NKAIN1: variants seen among roughly 807,000 people sequenced by gnomAD.
The protein encoded by NKAIN1 is sodium/potassium transporting ATPase interacting 1, also known as sodium/potassium-transporting ATPase subunit beta-1-interacting protein 1.
Under a neutral mutation model 31.6 loss-of-function variants are expected in NKAIN1, and 13 were observed. The ratio of observed to expected loss-of-function variants is 0.41; its 90% CI spans 0.27 to 0.65. The LOEUF (loss-of-function observed/expected upper bound fraction) is 0.65. Ranked by LOEUF, NKAIN1 falls within the 30% of genes least tolerant of loss-of-function variation. The pLI is 0.30. For synonymous variants in NKAIN1, 104 were observed against 109.0 expected, an observed-to-expected ratio of 0.95 and a Z score of 0.28; for missense variants, 193 against 262.2, an observed-to-expected ratio of 0.74 and a Z score of 1.82.
chr1:31,185,419 G>A (rs1329118436), intron 2 of NKAIN1, 92 bp from the exon 3 acceptor site: 4 of 1,000,458 alleles, frequency 4.0e-6, no homozygotes, highest in Non-Finnish European at 4.6e-6. Flanking sequence ...GAGGAGATCT[G>A]GGCAGGGGAA....
intron 1 of NKAIN1, among the ~76,000 whole-genome samples, chr1:31,230,471 G>A (rs116104413): frequency 6.6e-6 from 1 of 152,174 alleles, no homozygotes; most frequent in African/African-American, 2.4e-5. Flanking sequence ...GGGGCCAGGA[G>A]GCCAATGTAA....
rs1645666282 is a variant in NKAIN1 at position 31,233,030 on chromosome 1, C to T, written c.54+6464G>A. 6.6e-6 allele frequency among the ~76,000 whole-genome samples: 1 copy of T among 152,122 alleles called. No individual in the cohort carries two copies. Among genetic ancestry groups the T allele is most frequent in the African/African-American group, 2.4e-5 (1 of 41,410 alleles). On this transcript the variant is annotated intron_variant, in intron 1 of 6. Transcript: ENST00000373736. The surrounding 1 kb of genome is among the most constrained non-coding windows in gnomAD (Gnocchi z 4.0). Reference sequence around the variant, plus strand: ...ATCACAGCTCCTTGGCACACTGCAACCTCCGCCTCCCAGGTTCAAATGATT... The same window carrying T: ...ATCACAGCTCCTTGGCACACTGCAATCTCCGCCTCCCAGGTTCAAATGATT...
chr1:31,199,126 GT>G (rs1217079799), intron 1 of NKAIN1, among the ~76,000 whole-genome samples: 3 of 152,206 alleles, frequency 2.0e-5, no homozygotes, highest in Non-Finnish European at 2.9e-5. Context: ...GACCCTTGAA[GT>G]TTCTGGAGAA....
Position 31,239,646 on chromosome 1 carries a change from C to T in NKAIN1, c.-99G>A. The T allele has an allele frequency of 1.6e-6, 1 of 606,894 alleles. No homozygotes were observed. Among genetic ancestry groups the T allele is most frequent in the Non-Finnish European group, 2.1e-6 (1 of 483,736 alleles). The allele number at this position is 606,894 out of a possible 1,614,324, so 37.6% of individuals were successfully genotyped here. On this transcript the variant is annotated 5_prime_UTR_variant, in exon 1 of 7. Transcript: ENST00000373736. The surrounding 1 kb of genome is among the most constrained non-coding windows in gnomAD (Gnocchi z 4.8). ...CGGGCTCCACGTCCTCCCCGCTGGG[C>T]GCGCCGGGCGGCGGGGCCGGGCGCC...
intron 1 of NKAIN1, among the ~76,000 whole-genome samples, chr1:31,196,833 G>A (rs1570457177): frequency 6.6e-6 from 1 of 152,082 alleles, no homozygotes; most frequent in East Asian, 1.9e-4. Flanking sequence ...TCTGGCTTTT[G>A]CCCCATGGCA....
intron 4 of NKAIN1, among the ~76,000 whole-genome samples, chr1:31,182,962 C>CT (rs143863979): frequency 2.6e-4 from 39 of 149,622 alleles, no homozygotes; most frequent in East Asian, 5.9e-4. Context: ...TTCTTTCTTT[C>CT]TTTTTTTTTT....
chr1:31,181,875 A>G lies in NKAIN1; in HGVS notation c.599T>C (p.Leu200Pro), dbSNP rs1316279102. The G allele has an allele frequency of 6.2e-7, 1 of 1,608,088 alleles. No individual in the cohort carries two copies. The highest frequency in any genetic ancestry group is 1.7e-5 in the Admixed American group (1 of 58,840). ...CGTGACCCACGTGTACAGAGGCTGC[A>G]GCTGTAAATGCGACGTCTTCTGGGG... is the stretch of plus-strand genomic sequence containing the variant. ...QAPQKTSHLQ[L>P]QPLYTSG Residue 200 changes from leucine (L) to proline (P), a missense_variant, in exon 6 of 7, where the codon CTG becomes CCG. Transcript: ENST00000373736.
At chr1:31,213,037 CTTTTG>C (rs200399419) in intron 1 of NKAIN1, among the ~76,000 whole-genome samples, 32 of 78,972 alleles carry the variant, frequency 4.1e-4, no homozygotes, top group Non-Finnish European at 6.4e-4. Flanking sequence ...AAAGCTTTTT[CTTTTG>C]TTTTTTTTTT....
chr1:31,187,944 G>A (rs1645257542), intron 2 of NKAIN1, 106 bp downstream of exon 2: 1 of 1,205,322 alleles, frequency 8.3e-7, no homozygotes, highest in Non-Finnish European at 1.2e-6. Flanking sequence ...GCCAAGACCA[G>A]TGCCCCAGTG....
intron 1 of NKAIN1, among the ~76,000 whole-genome samples, chr1:31,199,922 G>A (rs1645363943): frequency 6.6e-6 from 1 of 152,096 alleles, no homozygotes; most frequent in African/African-American, 2.4e-5. Flanking sequence ...AGCTGATGAT[G>A]GGGGCTTCTC....
chr1:31,184,757 C>G (rs972758726), intron 3 of NKAIN1, among the ~76,000 whole-genome samples: 4 of 152,142 alleles, frequency 2.6e-5, no homozygotes, highest in African/African-American at 9.7e-5. Flanking sequence ...TCTGGGCTTG[C>G]TCTTATTCAA....
chr1:31,235,972 A>G (rs1334364931), intron 1 of NKAIN1, among the ~76,000 whole-genome samples: 1 of 152,188 alleles, frequency 6.6e-6, no homozygotes, highest in Non-Finnish European at 1.5e-5. Context: ...AATCATTAAG[A>G]TAATAACAAT....
chr1:31,187,673 C>T (rs186107444), intron 2 of NKAIN1, among the ~76,000 whole-genome samples: 73 of 152,110 alleles, frequency 4.8e-4, no homozygotes, highest in Admixed American at 9.2e-4. Flanking sequence ...TAGGAAGACT[C>T]GCAACCTTTC....
At chr1:31,193,551 C>T (rs1645302383) in intron 1 of NKAIN1, among the ~76,000 whole-genome samples, 1 of 151,736 alleles carries the variant, frequency 6.6e-6, no homozygotes, top group Non-Finnish European at 1.5e-5. Flanking sequence ...AAAAAATTAG[C>T]TGGGCGTGGT....
rs1026669312 is a variant in NKAIN1 at position 31,192,581 on chromosome 1, C to T, written c.55-4394G>A. Among the ~76,000 whole-genome samples the T allele has an allele frequency of 2.6e-4, 39 of 151,574 alleles. 1 individual carries two copies. Among genetic ancestry groups the T allele is most frequent in the Admixed American group, 1.2e-3 (18 of 15,228 alleles). On this transcript the variant is annotated intron_variant, in intron 1 of 6. Transcript: ENST00000373736. ...TTTTTTTTTTTTTGAGATGGAGTCT[C>T]GCTCTGTCGCCCAGGCTGGAGTGCA...
intron 1 of NKAIN1, among the ~76,000 whole-genome samples, chr1:31,203,788 T>C (rs576233580): frequency 6.6e-6 from 1 of 152,284 alleles, no homozygotes; most frequent in African/African-American, 2.4e-5. Flanking sequence ...TTTCACTATG[T>C]TGGCCAGGCT....
At chr1:31,196,512 C>CAAAA (rs58194598) in intron 1 of NKAIN1, among the ~76,000 whole-genome samples, 944 of 91,324 alleles carry the variant, frequency 0.01, 44 homozygotes, top group Middle Eastern at 0.029. Context: ...GACTCCTACT[C>CAAAA]AAAAAAAAAA....
chr1:31,193,079 A>ATTTTTTTTTATTTTTTTTTTTT (rs1557651455), intron 1 of NKAIN1, among the ~76,000 whole-genome samples: 1 of 143,642 alleles, frequency 7.0e-6, no homozygotes, highest in African/African-American at 2.5e-5. Context: ...TTATTTTTTT[A>ATTTTTTTTTATTTTTTTTTTTT]TTTTTTTGAG....
chr1:31,196,066 C>T (rs1050586929), intron 1 of NKAIN1, among the ~76,000 whole-genome samples: 1 of 151,858 alleles, frequency 6.6e-6, no homozygotes, highest in Non-Finnish European at 1.5e-5. Context: ...AGGTCACTGG[C>T]GATCTCCTTG....
Sources: gnomAD v4.1 joint callset for allele counts (sites outside exome capture counted in the v4.1 genomes callset) on GRCh38, gnomAD v4.1.1 for gene constraint, Gnocchi (gnomAD v3.1) non-coding constraint, MANE v1.5 for transcripts, NCBI Gene and HGNC (gene_info 2026-07-23, HGNC 2026-07-21) for gene names.